Variants in ADARB2 observed in about 807,000 individuals in gnomAD.
ADARB2 encodes the protein inactive double-stranded RNA-specific editase B2.
ADARB2 carries 25 observed loss-of-function variants against 62.2 expected under a neutral mutation model. The observed-to-expected ratio is 0.40, with a 90% CI of 0.29 to 0.56. The LOEUF (loss-of-function observed/expected upper bound fraction) is 0.56. ADARB2 is among the 20% of genes least tolerant of loss of function. The pLI, the probability that ADARB2 is intolerant of heterozygous loss-of-function variation, is 0.43. For missense variants in ADARB2, 1,071 were observed against 1,077.4 expected, an observed-to-expected ratio of 0.99 and a Z score of 0.08; for synonymous variants, 572 against 500.8, an observed-to-expected ratio of 1.14 and a Z score of -1.90.
chr10:1,499,348 TACTCACTCATTACTCATC>T (rs1831733847), intron 1 of ADARB2, among the ~76,000 whole-genome samples: 1 of 151,844 alleles, frequency 6.6e-6, no homozygotes, highest in African/African-American at 2.4e-5. Flanking sequence ...ATTCAGTCAT[TACTCACTCATTACTCATC>T]ACTCACTTAT....
intron 4 of ADARB2, among the ~76,000 whole-genome samples, chr10:1,243,580 T>TCA (rs982919348): frequency 1.8e-4 from 28 of 152,338 alleles, no homozygotes; most frequent in African/African-American, 6.7e-4. Flanking sequence ...TCTCTGGGCC[T>TCA]CACCGTGGGA....
chr10:1,428,719 A>G (rs912588276), intron 1 of ADARB2, among the ~76,000 whole-genome samples: 4 of 152,078 alleles, frequency 2.6e-5, no homozygotes, highest in Non-Finnish European at 2.9e-5. Context: ...AAGGGACAAC[A>G]TGGGGACCTT....
rs1228395091 is a variant in ADARB2, at chr10:1,533,662, T to G, written c.101-154502A>C. On this transcript the variant is annotated intron_variant, in intron 1 of 9. Coordinates refer to ENST00000381312, the MANE Select transcript of ADARB2 (RefSeq NM_018702.4). ...GGAATACCAGGATGAGTTAATGATT[T>G]CTGAGCATATTTCCTAAACTATGTT... Among the ~76,000 whole-genome samples, 3 of 152,216 alleles carry G rather than the reference T, an allele frequency of 2.0e-5. No individual in the cohort carries two copies. In the East Asian group the frequency reaches 5.8e-4, roughly 29 times the overall value.
rs1345723618 is a variant in ADARB2, at chr10:1,271,649, CACAT to C, written c.1078-584_1078-581del. On this transcript the variant is annotated intron_variant, in intron 3 of 9. Transcript: ENST00000381312. ...ACACACATGCACACACACAGACACA[CACAT>C]ACACATACACGTGTGCCCCTGCACA... Among the ~76,000 whole-genome samples, 6 of 152,198 alleles carry C rather than the reference CACAT, an allele frequency of 3.9e-5. No individual in the cohort carries two copies. The East Asian group carries it at 5.8e-4, about 15-fold the overall frequency.
rs1836730514 is a variant in ADARB2 at position 1,184,921 on chromosome 10, C to G, written c.1983G>C (p.Gly661=). 1 of 1,613,930 alleles carries G rather than the reference C, an allele frequency of 6.2e-7. No homozygotes were observed. Among genetic ancestry groups the G allele is most frequent in the Non-Finnish European group, 8.5e-7 (1 of 1,180,028 alleles). The change falls in exon 9 of 10, where the codon GGG becomes GGC. Residue 661 remains glycine, a synonymous_variant. Transcript: ENST00000381312. The part of the protein sequence containing the change: ...INATTGRRSC[G]GPSRLCKHVL... Reference sequence around the variant, plus strand: ...CGTGCTTGCAGAGCCGGGATGGGCCCCCACAGCTCCTCCGCCCAGTGGTGG... The same window carrying G: ...CGTGCTTGCAGAGCCGGGATGGGCCGCCACAGCTCCTCCGCCCAGTGGTGG...
chr10:1,578,621 ACT>A (rs1833052546), intron 1 of ADARB2, among the ~76,000 whole-genome samples: 1 of 151,820 alleles, frequency 6.6e-6, no homozygotes, highest in African/African-American at 2.4e-5. Context: ...TGGCTGAACC[ACT>A]GTTCTCCATG....
intron 1 of ADARB2, among the ~76,000 whole-genome samples, chr10:1,491,272 G>A (rs949856026): frequency 1.3e-5 from 2 of 152,218 alleles, no homozygotes; most frequent in African/African-American, 2.4e-5. Context: ...GTTGTGCCAC[G>A]TTGCCCAGGC....
intron 1 of ADARB2, among the ~76,000 whole-genome samples, chr10:1,409,984 C>G (rs1210801499): frequency 4.9e-5 from 1 of 20,566 alleles, no homozygotes; most frequent in Non-Finnish European, 1.5e-4. Context: ...GGGAAGGATT[C>G]TCAGTGGTGC....
chr10:1,651,447 G>A (rs1427915113), intron 1 of ADARB2, among the ~76,000 whole-genome samples: 1 of 152,194 alleles, frequency 6.6e-6, no homozygotes, highest in African/African-American at 2.4e-5. Flanking sequence ...GAGAGAGGGG[G>A]CAGCACCCCC....
chr10:1,610,910 T>TCA (rs933657403), intron 1 of ADARB2, among the ~76,000 whole-genome samples: 7 of 151,452 alleles, frequency 4.6e-5, no homozygotes, highest in Admixed American at 1.3e-4. Flanking sequence ...ACACACAGAC[T>TCA]CACACACACA....
intron 3 of ADARB2, among the ~76,000 whole-genome samples, chr10:1,288,814 CAG>C (rs1162534658): frequency 2.0e-5 from 3 of 152,338 alleles, no homozygotes; most frequent in East Asian, 1.9e-4. Flanking sequence ...GGGTTTCTGA[CAG>C]AGGATGCCGA....
chr10:1,228,676 G>A (rs924558537), intron 6 of ADARB2, among the ~76,000 whole-genome samples: 1 of 152,218 alleles, frequency 6.6e-6, no homozygotes, highest in Admixed American at 6.5e-5. Context: ...TGGGTCACAT[G>A]ACATTGAAGA....
chr10:1,220,258 A>ATGATGGTGG lies in ADARB2; in HGVS notation c.1514-3148_1514-3140dup, dbSNP rs1279066695. Among the ~76,000 whole-genome samples, 269 of 121,282 alleles carry ATGATGGTGG rather than the reference A, an allele frequency of 2.2e-3. 3 individuals are homozygous for ATGATGGTGG. The highest frequency in any genetic ancestry group is 7.4e-3 in the African/African-American group (240 of 32,586). 79.6% of individuals were successfully genotyped at this position (121,282 alleles called of 152,430 possible). The stretch of plus-strand genomic sequence containing the variant: ...GGTGGTGATAATGGTGGTGGTGGTG[A>ATGATGGTGG]TGATGGTGGTGATGATGGTAATGGT... On this transcript the variant is annotated intron_variant, in intron 6 of 9. Coordinates refer to ENST00000381312, the MANE Select transcript of ADARB2 (RefSeq NM_018702.4).
intron 1 of ADARB2, among the ~76,000 whole-genome samples, chr10:1,522,817 G>A (rs998227310): frequency 2.0e-5 from 3 of 152,108 alleles, no homozygotes; most frequent in Non-Finnish European, 4.4e-5. Context: ...AGAGGACAGC[G>A]TGCCTGCAGC....
intron 8 of ADARB2, among the ~76,000 whole-genome samples, chr10:1,191,143 G>A (rs959175556): frequency 5.9e-5 from 9 of 152,190 alleles, no homozygotes; most frequent in African/African-American, 1.9e-4. Flanking sequence ...CCCACACGGC[G>A]TAGAACAGGG....
intron 1 of ADARB2, among the ~76,000 whole-genome samples, chr10:1,404,232 T>G (rs1301688722): frequency 1.4e-5 from 1 of 71,428 alleles, no homozygotes; most frequent in Non-Finnish European, 2.9e-5. Context: ...TGCCAGGAGC[T>G]CTATGCTTGG....
chr10:1,568,288 A>G (rs977425253), intron 1 of ADARB2, among the ~76,000 whole-genome samples: 6 of 152,106 alleles, frequency 3.9e-5, no homozygotes, highest in African/African-American at 1.2e-4. Flanking sequence ...CTGCCAGGAA[A>G]CGCTCAGCGG....
intron 7 of ADARB2, among the ~76,000 whole-genome samples, chr10:1,208,413 C>T (rs1197961352): frequency 6.6e-6 from 1 of 152,212 alleles, no homozygotes; most frequent in Non-Finnish European, 1.5e-5. Flanking sequence ...CCCACTGGCT[C>T]TGAGGTCACA....
intron 1 of ADARB2, among the ~76,000 whole-genome samples, chr10:1,384,014 A>G (rs7903697): frequency 0.38 from 58,119 of 152,146 alleles, 11,668 homozygotes; most frequent in Non-Finnish European, 0.45. Context: ...CTCGGGCCAC[A>G]AAAGGAAGAA....
Sources: gnomAD v4.1 joint callset for allele counts (sites outside exome capture counted in the v4.1 genomes callset) on GRCh38, gnomAD v4.1.1 for gene constraint, MANE v1.5 for transcripts, NCBI Gene and HGNC (gene_info 2026-07-23, HGNC 2026-07-21) for gene names.